Variants in EPB41L4A observed in about 807,000 individuals in gnomAD.
EPB41L4A encodes the protein erythrocyte membrane protein band 4.1 like 4A, also known as band 4.1-like protein 4A.
Under a neutral mutation model 108.6 loss-of-function variants are expected in EPB41L4A, and 100 were observed. The observed-to-expected ratio is 0.92, with a 90% CI of 0.78 to 1.09. The LOEUF (loss-of-function observed/expected upper bound fraction) is 1.09. EPB41L4A is among the 50% of genes least tolerant of loss of function. The pLI is 0.00. For synonymous variants in EPB41L4A, 319 were observed against 289.0 expected (o/e 1.10, Z -1.05); for missense variants, 1,030 against 842.7 (o/e 1.22, Z -2.75).
rs747295977 is a variant in EPB41L4A, at chr5:112,165,001, T to C, written c.2050A>G (p.Thr684Ala). ...ACCCTTCATCAGGATCAAGTCTCTG[T>C]CTTGAGGCGGGAAGCTTGTATAGTT... ...IKTIQASRLKTET is the reference protein window; with the variant it reads ...IKTIQASRLKAET Residue 684 changes from threonine (T) to alanine (A), a missense_variant, in exon 23 of 23, where the codon ACA (threonine) becomes GCA (alanine). Thr to Ala is a moderately conservative substitution (Grantham distance 58, BLOSUM62 0). Coordinates refer to ENST00000261486, the MANE Select transcript of EPB41L4A (RefSeq NM_022140.5). 6.2e-7 allele frequency: 1 copy of C among 1,613,618 alleles called. No individual in the cohort carries two copies. The highest frequency in any genetic ancestry group is 8.5e-7 in the Non-Finnish European group (1 of 1,179,886).
chr5:112,260,028 T>C, intron 7 of EPB41L4A, 49 bp from the exon 8 acceptor site: 1 of 1,287,672 alleles, frequency 7.8e-7, no homozygotes, highest in Non-Finnish European at 1.1e-6. Context: ...ATAAAATCTC[T>C]TTGTCAAACT....
intron 1 of EPB41L4A, among the ~76,000 whole-genome samples, chr5:112,388,627 G>A (rs1760724535): frequency 6.6e-6 from 1 of 152,134 alleles, no homozygotes; most frequent in Admixed American, 6.5e-5. Context: ...TGCGAAGGCT[G>A]CCTTGACACA....
downstream of EPB41L4A, among the ~76,000 whole-genome samples, chr5:112,159,777 C>T (rs966210927): frequency 5.3e-5 from 8 of 151,922 alleles, no homozygotes; most frequent in Non-Finnish European, 1.2e-4. Context: ...AAATATACAC[C>T]GGATTTTTAT....
At chr5:112,399,050 G>A (rs950718318) in intron 1 of EPB41L4A, among the ~76,000 whole-genome samples, 2 of 152,048 alleles carry the variant, frequency 1.3e-5, no homozygotes, top group Admixed American at 1.3e-4. Flanking sequence ...CCAACGTGCG[G>A]AGCGGTGAAT....
At chr5:112,264,288 T>C (rs1035661766) in intron 6 of EPB41L4A, 5 of 152,188 alleles carry the variant, frequency 3.3e-5, no homozygotes, top group African/African-American at 1.2e-4. Context: ...TAGGGGAGCG[T>C]GTCTACTCTC....
At chr5:112,279,318 A>G (rs1461140079) in intron 3 of EPB41L4A, among the ~76,000 whole-genome samples, 1 of 152,174 alleles carries the variant, frequency 6.6e-6, no homozygotes, top group Non-Finnish European at 1.5e-5. Flanking sequence ...TCCATGGAGC[A>G]TCGCACAACC....
chr5:112,245,027 C>A (rs967538806), intron 9 of EPB41L4A, among the ~76,000 whole-genome samples: 3 of 150,392 alleles, frequency 2.0e-5, no homozygotes, highest in African/African-American at 7.4e-5. Flanking sequence ...AAAATGCTAC[C>A]AACAGATTGA....
At chr5:112,256,548 A>G (rs1751111590) in intron 9 of EPB41L4A, among the ~76,000 whole-genome samples, 1 of 152,182 alleles carries the variant, frequency 6.6e-6, no homozygotes, top group South Asian at 2.1e-4. Flanking sequence ...ATCAAAAACC[A>G]GTTAGAAGAG....
At chr5:112,203,973 A>C (rs1321929126) in intron 15 of EPB41L4A, among the ~76,000 whole-genome samples, 1 of 151,946 alleles carries the variant, frequency 6.6e-6, no homozygotes, top group African/African-American at 2.4e-5. Flanking sequence ...CAGGAGGCGG[A>C]GGTTGCAGTG....
At chr5:112,194,672 GA>G in intron 16 of EPB41L4A, 27 bp from the exon 17 acceptor site, 1 of 1,517,174 alleles carries the variant, frequency 6.6e-7, no homozygotes, top group Non-Finnish European at 9.0e-7. Context: ...AAGAACAAAA[GA>G]AAAAACACAC....
At chr5:112,194,688 A>G (rs373992598) in intron 16 of EPB41L4A, 43 bp from the exon 17 acceptor site, 9 of 1,388,076 alleles carry the variant, frequency 6.5e-6, no homozygotes, top group South Asian at 1.3e-5. Flanking sequence ...ACACACATTT[A>G]TAACTCACGA....
intron 1 of EPB41L4A, among the ~76,000 whole-genome samples, chr5:112,377,054 A>G (rs1223488822): frequency 1.3e-5 from 2 of 151,992 alleles, no homozygotes; most frequent in African/African-American, 4.8e-5. Flanking sequence ...ACATAAAAAA[A>G]ATTAGCCAGG....
intron 2 of EPB41L4A, among the ~76,000 whole-genome samples, chr5:112,306,309 C>T (rs577838452): frequency 6.6e-5 from 10 of 152,096 alleles, no homozygotes; most frequent in Non-Finnish European, 1.3e-4. Context: ...CATGTCTGTT[C>T]CCCTTTTTTG....
intron 2 of EPB41L4A, among the ~76,000 whole-genome samples, chr5:112,298,007 C>T (rs567329401): frequency 1.3e-5 from 2 of 152,198 alleles, no homozygotes; most frequent in African/African-American, 4.8e-5. Flanking sequence ...TATACCAATA[C>T]CATGCTGTTT....
chr5:112,400,962 C>G (rs1405097457), intron 1 of EPB41L4A, among the ~76,000 whole-genome samples: 1 of 152,100 alleles, frequency 6.6e-6, no homozygotes, highest in Non-Finnish European at 1.5e-5. Context: ...TATGGTCTTA[C>G]TCTATGAAGT....
intron 19 of EPB41L4A, 44 bp downstream of exon 19, chr5:112,170,901 A>C (rs1760540863): frequency 6.4e-7 from 1 of 1,569,294 alleles, no homozygotes; most frequent in African/African-American, 1.4e-5. Context: ...TTGCATTAAA[A>C]CTACATGGGT....
chr5:112,328,821 A>G (rs1335506344), intron 1 of EPB41L4A, among the ~76,000 whole-genome samples: 2 of 152,246 alleles, frequency 1.3e-5, no homozygotes, highest in African/African-American at 2.4e-5. Context: ...CAAATGTGCT[A>G]AAAGAATTAT....
chr5:112,243,265 A>ATG (rs1423906440), intron 9 of EPB41L4A, among the ~76,000 whole-genome samples: 2 of 132,424 alleles, frequency 1.5e-5, no homozygotes, highest in African/African-American at 6.2e-5. Flanking sequence ...ACACATATAT[A>ATG]TATGTGTGTG....
Position 112,313,713 on chromosome 5 carries a change from AGTTT to A in EPB41L4A, c.100-6227_100-6224del, listed in dbSNP as rs59804095. 2.1e-3 allele frequency among the ~76,000 whole-genome samples: 320 copies of A among 152,150 alleles called. 1 individual carries two copies. The highest frequency in any genetic ancestry group is 6.8e-3 in the Middle Eastern group (2 of 294). On this transcript the variant is annotated intron_variant, in intron 1 of 22. Transcript: ENST00000261486. ...CATTACCTTTTTTTGCTGTGGAGGC[AGTTT>A]GTTTGTCAATTTGGTTTATGCACCG... is the stretch of plus-strand genomic sequence containing the variant.
Sources: gnomAD v4.1 joint callset for allele counts (sites outside exome capture counted in the v4.1 genomes callset) on GRCh38, gnomAD v4.1.1 for gene constraint, MANE v1.5 for transcripts, NCBI Gene and HGNC (gene_info 2026-07-23, HGNC 2026-07-21) for gene names.